The following CFAP43 variants were observed in gnomAD, a reference collection of about 807,000 sequenced individuals.
CFAP43 encodes cilia- and flagella-associated protein 43.
In CFAP43, 155 loss-of-function variants were observed where a neutral mutation model predicts 218.9. The observed-to-expected ratio is 0.71, with a 90% CI of 0.62 to 0.81. CFAP43 has a LOEUF of 0.81. Among genes scored for constraint, CFAP43 ranks in the 30% least tolerant of loss-of-function variants. The pLI is 0.00. For missense variants in CFAP43, 1,778 were observed against 1,954.3 expected, an observed-to-expected ratio of 0.91 and a Z score of 1.70; for synonymous variants, 645 against 681.3, an observed-to-expected ratio of 0.95 and a Z score of 0.83.
chr10:104,179,638 C>T (rs1469167888), intron 18 of CFAP43, among the ~76,000 whole-genome samples: 1 of 152,166 alleles, frequency 6.6e-6, no homozygotes, highest in Non-Finnish European at 1.5e-5. Flanking sequence ...GTTCTTAAAG[C>T]TCATATAACT....
At chr10:104,142,483 T>C in intron 32 of CFAP43, 90 bp from the exon 33 acceptor site, 1 of 843,976 alleles carries the variant, frequency 1.2e-6, no homozygotes, top group African/African-American at 1.7e-5. Context: ...TTTAAAAACC[T>C]TAACAGGTCT....
intron 27 of CFAP43, among the ~76,000 whole-genome samples, chr10:104,158,036 C>A (rs1159704033): frequency 6.6e-6 from 1 of 152,068 alleles, no homozygotes; most frequent in Non-Finnish European, 1.5e-5. Context: ...ACACTTTGAA[C>A]AACAGAAATA....
At chr10:104,174,777 C>T (rs1019162940) in intron 19 of CFAP43, among the ~76,000 whole-genome samples, 8 of 151,834 alleles carry the variant, frequency 5.3e-5, no homozygotes, top group Non-Finnish European at 8.8e-5. Context: ...TATAACTGGC[C>T]GGGCGTGGTG....
intron 16 of CFAP43, among the ~76,000 whole-genome samples, chr10:104,184,462 CTTTT>C (rs34684487): frequency 7.0e-6 from 1 of 142,080 alleles, no homozygotes. Flanking sequence ...TTAACTATGT[CTTTT>C]TTTTTTTTTT....
chr10:104,173,516 C>A (rs895020327), intron 19 of CFAP43, among the ~76,000 whole-genome samples: 2 of 148,664 alleles, frequency 1.3e-5, no homozygotes, highest in Admixed American at 1.3e-4. Context: ...CTGCCTGTAA[C>A]CCTACCTGGT....
At chr10:104,158,976 T>G (rs531350836) in intron 27 of CFAP43, among the ~76,000 whole-genome samples, 30 of 152,330 alleles carry the variant, frequency 2.0e-4, no homozygotes, top group Non-Finnish European at 3.4e-4. Context: ...ACTATTCATG[T>G]AACATTTATG....
chr10:104,151,121 C>G (rs900479158), intron 28 of CFAP43, among the ~76,000 whole-genome samples: 4 of 152,210 alleles, frequency 2.6e-5, no homozygotes, highest in Non-Finnish European at 5.9e-5. Context: ...ATATGTCCCA[C>G]ATTTTCTCAA....
At chr10:104,215,275 G>T (rs747434080) in intron 3 of CFAP43, among the ~76,000 whole-genome samples, 1 of 152,076 alleles carries the variant, frequency 6.6e-6, no homozygotes, top group Non-Finnish European at 1.5e-5. Context: ...TGAAGGAAAA[G>T]AAAAAAATTA....
rs753974188 is a variant in CFAP43, at chr10:104,214,414, C to T, written c.429G>A (p.Ser143=). 50 of 1,583,796 alleles carry T rather than the reference C, an allele frequency of 3.2e-5. No individual in the cohort carries two copies. In the South Asian group the frequency reaches 3.7e-4, roughly 12 times the overall value. Reference sequence around the variant, plus strand: ...GTGATTTCTTACACAAAATGATACTCGATTCCCAGTTCCTTAGAGAAAAAT... The same window carrying T: ...GTGATTTCTTACACAAAATGATACTTGATTCCCAGTTCCTTAGAGAAAAAT... ...EFELALWNWE[S]SIILCKKSQP... The change falls in exon 4 of 38, where the codon TCG becomes TCA. Residue 143 remains serine (S), a synonymous_variant. Coordinates refer to ENST00000357060, the MANE Select transcript of CFAP43 (RefSeq NM_025145.7).
rs1393670263 is a variant in CFAP43 at position 104,179,942 on chromosome 10, G to A, written c.2290-10C>T. The A allele has an allele frequency of 1.9e-6, 3 of 1,603,842 alleles. No individual in the cohort carries two copies. The highest frequency in any genetic ancestry group is 2.2e-5 in the East Asian group (1 of 44,646). ...TGCTTGCCTTCTGTTTCTGATACAT[G>A]GTAGAAAAAGACAGACATGTCTTAA... is the stretch of plus-strand genomic sequence containing the variant. On this transcript the variant is annotated splice_polypyrimidine_tract_variant and intron_variant, in intron 17 of 37. Transcript: ENST00000357060.
chr10:104,211,291 T>A lies in CFAP43; in HGVS notation c.735+716A>T, dbSNP rs1283891161. Among the ~76,000 whole-genome samples, 4 of 152,156 alleles carry A rather than the reference T, an allele frequency of 2.6e-5. No individual in the cohort carries two copies. The East Asian group carries it at 7.7e-4, about 29-fold the overall frequency. On this transcript the variant is annotated intron_variant, in intron 5 of 37. Coordinates refer to ENST00000357060, the MANE Select transcript of CFAP43 (RefSeq NM_025145.7). The stretch of plus-strand genomic sequence containing the variant: ...CTTTACTTTTGTTGTTGTAGTTCTG[T>A]CTCCCTGACAAGAATGTAAGCTCCA...
Position 104,203,659 on chromosome 10 carries a change from C to T in CFAP43, c.1095+13G>A. The T allele has an allele frequency of 6.3e-7, 1 of 1,586,042 alleles. No homozygotes were observed. The highest frequency in any genetic ancestry group is 8.5e-7 in the Non-Finnish European group (1 of 1,169,686). ...CTGAAAATCACATATCAAGAAATTA[C>T]CATCCAACATACCTTGTCTGTTTGA... On this transcript the variant is annotated intron_variant, in intron 8 of 37. Transcript: ENST00000357060.
intron 5 of CFAP43, among the ~76,000 whole-genome samples, chr10:104,210,295 T>C (rs1425060353): frequency 6.6e-6 from 1 of 152,252 alleles, no homozygotes; most frequent in Non-Finnish European, 1.5e-5. Context: ...TAAGGGCATG[T>C]AACCCTTTCT....
intron 3 of CFAP43, among the ~76,000 whole-genome samples, chr10:104,221,511 C>T (rs762309019): frequency 9.9e-5 from 15 of 152,224 alleles, no homozygotes; most frequent in Admixed American, 5.9e-4. Flanking sequence ...AATTATCATC[C>T]ATGAATCAGG....
At chr10:104,189,764 AG>A in intron 12 of CFAP43, among the ~76,000 whole-genome samples, 1 of 152,286 alleles carries the variant, frequency 6.6e-6, no homozygotes, top group East Asian at 1.9e-4. Context: ...ATACTTTGGG[AG>A]GCTGAGGTGG....
intron 5 of CFAP43, among the ~76,000 whole-genome samples, chr10:104,209,287 T>C (rs1467145228): frequency 6.6e-6 from 1 of 152,200 alleles, no homozygotes. Context: ...CTAACTTAAA[T>C]ACAAAATATA....
chr10:104,130,961 T>A (rs7068987), intron 37 of CFAP43, among the ~76,000 whole-genome samples: 11,119 of 136,530 alleles, frequency 0.081, 1,032 homozygotes, highest in African/African-American at 0.24. Context: ...ATCATACCAC[T>A]GCACTGCAGC....
intron 19 of CFAP43, among the ~76,000 whole-genome samples, 159 bp from the exon 20 acceptor site, chr10:104,172,694 T>C (rs983591211): frequency 2.0e-5 from 3 of 152,206 alleles, no homozygotes; most frequent in Non-Finnish European, 4.4e-5. Context: ...CTTATTGTGG[T>C]TATTGAAGTT....
Position 104,140,888 on chromosome 10 carries a change from A to ATTGCATCAGAAT in CFAP43, c.4373_4384dup (p.Ala1461_Ile1462insAsnSerAspAla). The ATTGCATCAGAAT allele has an allele frequency of 2.5e-6, 4 of 1,611,812 alleles. No individual in the cohort carries two copies. The highest frequency in any genetic ancestry group is 3.4e-6 in the Non-Finnish European group (4 of 1,179,464). On this transcript the variant is annotated inframe_insertion, in exon 34 of 38. Transcript: ENST00000357060. ...TTCAATTATGTTCTTGTTGATGAGA[A>ATTGCATCAGAAT]TTGCATCAGAATACTCCAGTACTAG...
Sources: gnomAD v4.1 joint callset for allele counts (sites outside exome capture counted in the v4.1 genomes callset) on GRCh38, gnomAD v4.1.1 for gene constraint, MANE v1.5 for transcripts, NCBI Gene and HGNC (gene_info 2026-07-23, HGNC 2026-07-21) for gene names.